The following ZNF432 variants were observed in gnomAD, a reference collection of about 807,000 sequenced individuals.
The protein encoded by ZNF432 is zinc finger protein 432.
A neutral mutation model predicts 13.9 loss-of-function variants in ZNF432; 10 were observed. The observed-to-expected ratio is 0.72, with a 90% CI of 0.44 to 1.22. ZNF432 has a LOEUF of 1.22. ZNF432 is among the 50% of genes most tolerant of loss of function. ZNF432 has a pLI of 0.00. For missense variants in ZNF432, 793 were observed against 796.2 expected (o/e 1.00, Z 0.05); for synonymous variants, 247 against 256.2 (o/e 0.96, Z 0.34).
At chr19:52,043,658 C>G (rs2087155661) in intron 2 of ZNF432, among the ~76,000 whole-genome samples, 1 of 152,148 alleles carries the variant, frequency 6.6e-6, no homozygotes, top group African/African-American at 2.4e-5. Context: ...AATGGAATGT[C>G]TCGGTATAAA....
In ZNF432 at chr19:52,034,081, C is replaced by T. The variant is rs117633649; in HGVS notation, c.1598G>A (p.Arg533Gln). The T allele has an allele frequency of 8.9e-3, 14,310 of 1,614,160 alleles. 98 individuals carry two copies. The highest frequency in any genetic ancestry group is 0.011 in the Middle Eastern group (67 of 6,058). ...AAAGGGTTTCTCTCCAGTATGAGTT[C>T]GCTGGTGTACAACAAGATTGCTCTT... Reference protein sequence around the residue: ...AFKSNLVVHQRTHTGEKPFMC... With the variant: ...AFKSNLVVHQQTHTGEKPFMC... Residue 533 changes from arginine to glutamine, a missense_variant, in exon 5 of 5, where the codon CGA (arginine) becomes CAA (glutamine). By Grantham distance (43) the Arg-to-Gln change is conservative. Coordinates refer to ENST00000221315, the MANE Select transcript of ZNF432 (RefSeq NM_014650.4).
At chr19:52,045,143 T>C (rs555221551) in intron 2 of ZNF432, among the ~76,000 whole-genome samples, 1 of 152,290 alleles carries the variant, frequency 6.6e-6, no homozygotes, top group African/African-American at 2.4e-5. Flanking sequence ...ACAGGTGGAA[T>C]GTGATTCCAC....
At position 52,035,247 on chromosome 19, in the gene ZNF432, GA is replaced by G. The variant is rs1568520703; in HGVS notation, c.431del (p.Val144AlafsTer38). 6.2e-7 allele frequency: 1 copy of G among 1,605,108 alleles called. No homozygotes were observed. Reference protein sequence around the residue: ...IKTLKSNLSLVNQNKSCEINN... With the variant: ...IKTLKSNLSLXNQNKSCEINN... ...TAATTTCACAGCTTTTGTTCTGGTT[GA>G]CTAAACTTAAATTTGATTTCAAAGT... is the stretch of plus-strand genomic sequence containing the variant. On this transcript the variant is annotated frameshift_variant, in exon 5 of 5. Transcript: ENST00000221315. LOFTEE classifies it low-confidence loss of function (END_TRUNC).
Position 52,043,152 on chromosome 19 carries a change from A to G in ZNF432, c.16-1546T>C, listed in dbSNP as rs928782736. Among the ~76,000 whole-genome samples the G allele has an allele frequency of 2.0e-5, 3 of 152,186 alleles. No individual in the cohort carries two copies. The South Asian group carries it at 6.2e-4, about 32-fold the overall frequency. On this transcript the variant is annotated intron_variant, in intron 2 of 4. Coordinates refer to ENST00000221315, the MANE Select transcript of ZNF432 (RefSeq NM_014650.4). ...AAATTTGTGGGGAAAAGCAAGAGAG[A>G]TCAGATTGTTACTGTGTCTGTACAG...
Position 52,035,110 on chromosome 19 carries a change from G to T in ZNF432, c.569C>A (p.Ser190Tyr). 1.9e-6 allele frequency: 3 copies of T among 1,614,004 alleles called. No homozygotes were observed. In the South Asian group the frequency reaches 3.3e-5, roughly 18 times the overall value. The change falls in exon 5 of 5, where the codon TCC becomes TAC. Residue 190 changes from serine to tyrosine, a missense_variant. Transcript: ENST00000221315. The part of the protein sequence containing the change: ...SVSTKANSTK[S>Y]QVSKHQRTHE... ...AGTTCTCTGATGCTTACTGACTTGGGATTTAGTGCTATTGGCTTTTGTACT... is the reference window on the plus strand; with the variant it reads ...AGTTCTCTGATGCTTACTGACTTGGTATTTAGTGCTATTGGCTTTTGTACT...
intron 2 of ZNF432, among the ~76,000 whole-genome samples, chr19:52,045,668 T>C (rs1342996956): frequency 6.6e-6 from 1 of 151,084 alleles, no homozygotes; most frequent in African/African-American, 2.4e-5. Flanking sequence ...AAATTTACTT[T>C]TTTAACCAGT....
chr19:52,037,007 T>A (rs543340296), intron 4 of ZNF432, among the ~76,000 whole-genome samples: 1 of 152,276 alleles, frequency 6.6e-6, no homozygotes, highest in African/African-American at 2.4e-5. Flanking sequence ...GAATGAAAGA[T>A]GAAGGTACAG....
At chr19:52,038,669 G>A (rs2032580275) in intron 4 of ZNF432, among the ~76,000 whole-genome samples, 1 of 152,330 alleles carries the variant, frequency 6.6e-6, no homozygotes, top group Non-Finnish European at 1.5e-5. Context: ...TACTCTTGCT[G>A]CAATTCTGAC....
At position 52,046,951 on chromosome 19, in the gene ZNF432, A is replaced by G; in HGVS notation, c.-83T>C. The G allele has an allele frequency of 6.7e-7, 1 of 1,485,992 alleles. No homozygotes were observed. The allele number at this position is 1,485,992 out of a possible 1,614,324, so 92.1% of individuals were successfully genotyped here. A position where few individuals can be genotyped will look rare whatever the true frequency, so the allele number is the denominator to read the frequency against. On this transcript the variant is annotated 5_prime_UTR_variant, in exon 2 of 5. Coordinates refer to ENST00000221315, the MANE Select transcript of ZNF432 (RefSeq NM_014650.4). ...GATCTGCCTTAAATTTCTATTTAGAAACTTCAGTCACCAGTGAAGGGTGTC... is the reference window on the plus strand; with the variant it reads ...GATCTGCCTTAAATTTCTATTTAGAGACTTCAGTCACCAGTGAAGGGTGTC...
intron 2 of ZNF432, among the ~76,000 whole-genome samples, chr19:52,045,655 C>T (rs777500861): frequency 2.7e-5 from 4 of 150,276 alleles, no homozygotes; most frequent in African/African-American, 9.7e-5. Flanking sequence ...GTGCCCGGCC[C>T]GGAAATTTAC....
intron 1 of ZNF432, among the ~76,000 whole-genome samples, chr19:52,048,099 C>CA (rs2087204984): frequency 7.4e-6 from 1 of 135,910 alleles, no homozygotes; most frequent in Non-Finnish European, 1.6e-5. Flanking sequence ...TAACGTTCAT[C>CA]AAGTCTGTTC....
rs1242506249 is a variant in ZNF432, at chr19:52,035,380, C to T, written c.299G>A (p.Ser100Asn). 1.9e-6 allele frequency: 3 copies of T among 1,596,640 alleles called. No homozygotes were observed. Among genetic ancestry groups the T allele is most frequent in the African/African-American group, 1.4e-5 (1 of 73,786 alleles). ...ATTATGTTCATGGTATTGTTCCACA[C>T]TCTTCAGCATCCTTTGATTTTCCAA... Reference protein sequence around the residue: ...DHLENQRMLKSVEQYHEHNAF... With the variant: ...DHLENQRMLKNVEQYHEHNAF... Residue 100 changes from serine to asparagine, a missense_variant, in exon 5 of 5, where the codon AGT (serine) becomes AAT (asparagine). Ser to Asn is a conservative substitution (Grantham distance 46). Transcript: ENST00000221315.
chr19:52,048,182 CA>C (rs910956223), intron 1 of ZNF432, among the ~76,000 whole-genome samples: 5 of 146,216 alleles, frequency 3.4e-5, no homozygotes, highest in African/African-American at 1.3e-4. Flanking sequence ...CACACACACA[CA>C]AAACCAGCCA....
Position 52,031,658 on chromosome 19 carries a change from GTGGCTACCA to G in ZNF432, c.*2053_*2061del, listed in dbSNP as rs2087014669. The G allele has an allele frequency of 6.6e-6, 1 of 152,218 alleles. No homozygotes were observed. The highest frequency in any genetic ancestry group is 2.4e-5 in the African/African-American group (1 of 41,454). The allele number at this position is 152,218 out of a possible 1,614,324, so 9.4% of individuals were successfully genotyped here. On this transcript the variant is annotated 3_prime_UTR_variant, in exon 5 of 5. Coordinates refer to ENST00000221315, the MANE Select transcript of ZNF432 (RefSeq NM_014650.4). ...TAACAAAATTAGGGTAATGGGATCA[GTGGCTACCA>G]TGGGTCATATTGGGAGGACAGTGTG...
intron 2 of ZNF432, among the ~76,000 whole-genome samples, chr19:52,046,486 C>A (rs11669540): frequency 0.15 from 22,346 of 152,156 alleles, 2,165 homozygotes; most frequent in East Asian, 0.38. Flanking sequence ...CACCATATCA[C>A]CTCTGGGAAG....
intron 4 of ZNF432, among the ~76,000 whole-genome samples, chr19:52,039,251 T>C (rs570409478): frequency 6.6e-6 from 1 of 152,254 alleles, no homozygotes; most frequent in African/African-American, 2.4e-5. Context: ...AATGAAAACA[T>C]ACGTTCCTAA....
intron 1 of ZNF432, among the ~76,000 whole-genome samples, chr19:52,047,919 A>T (rs193271516): frequency 2.6e-5 from 4 of 152,244 alleles, no homozygotes; most frequent in African/African-American, 9.6e-5. Flanking sequence ...ATTTGTGCGC[A>T]GTAATTTAAA....
chr19:52,035,769 G>C (rs1476150333), intron 4 of ZNF432, among the ~76,000 whole-genome samples: 2 of 152,128 alleles, frequency 1.3e-5, no homozygotes, highest in East Asian at 3.9e-4. Flanking sequence ...CTGACCTCCA[G>C]TGATACCCCT....
Position 52,040,534 on chromosome 19 carries a change from T to C in ZNF432, c.192A>G (p.Glu64=). ...TTTCATCTTCCATTGTCCATGGTTC[T>C]TCTCCTCGTTCCAACTTGGAGAGTG... The part of the protein sequence containing the change: ...PDALSKLERG[E]EPWTMEDERH... The change falls in exon 4 of 5, where the codon GAA becomes GAG. Residue 64 remains glutamate, a synonymous_variant. Coordinates refer to ENST00000221315, the MANE Select transcript of ZNF432 (RefSeq NM_014650.4). 1 of 1,614,184 alleles carries C rather than the reference T, an allele frequency of 6.2e-7. No individual in the cohort carries two copies. The highest frequency in any genetic ancestry group is 8.5e-7 in the Non-Finnish European group (1 of 1,180,016).
Sources: allele counts gnomAD v4.1 joint callset (sites outside exome capture counted in the v4.1 genomes callset), GRCh38; gene constraint gnomAD v4.1.1; transcripts MANE v1.5; gene names NCBI Gene and HGNC (gene_info 2026-07-23, HGNC 2026-07-21).